The following HYAL4 variants were observed in gnomAD, a reference collection of about 807,000 sequenced individuals.
The protein encoded by HYAL4 is hyaluronidase 4.
Under a neutral mutation model 35.2 loss-of-function variants are expected in HYAL4, and 37 were observed. The observed-to-expected ratio is 1.05, with a 90% CI of 0.81 to 1.38. The LOEUF (loss-of-function observed/expected upper bound fraction) is 1.38. Ranked by LOEUF, HYAL4 falls within the 40% of genes most tolerant of loss-of-function variation. The probability of loss-of-function intolerance (pLI) is 0.00; values close to 1 mark genes in which losing one functional copy is unlikely to be tolerated. For synonymous variants in HYAL4, 198 were observed against 203.2 expected (o/e 0.97, Z 0.22); for missense variants, 572 against 572.4 (o/e 1.00, Z 0.01).
the HYAL4 span, among the ~76,000 whole-genome samples, chr7:123,822,727 G>A: frequency 6.6e-6 from 1 of 152,150 alleles, no homozygotes; most frequent in Non-Finnish European, 1.5e-5. Context: ...GAGAAGCTGA[G>A]GGATGAAGGT....
At position 123,832,434 on chromosome 7, in the gene HYAL4, C is replaced by T. The variant is rs1420505096; in HGVS notation, c.-257+3310C>T. Among the ~76,000 whole-genome samples, 3 of 143,344 alleles carry T rather than the reference C, an allele frequency of 2.1e-5. No individual in the cohort carries two copies. In the East Asian group the frequency reaches 6.2e-4, roughly 30 times the overall value. The allele number at this position is 143,344 out of a possible 152,430, so 94.0% of individuals were successfully genotyped here. A position where few individuals can be genotyped will look rare whatever the true frequency, so the allele number is the denominator to read the frequency against. ...TTTGTAGTCTTTTATCCCTGATCCC[C>T]TTTTCACCCTTTCCCCCTGAGTCCC... On this transcript the variant is annotated intron_variant, in intron 1 of 4. Transcript: ENST00000489978.
At chr7:123,791,275 A>G in the HYAL4 span, among the ~76,000 whole-genome samples, 2 of 152,266 alleles carry the variant, frequency 1.3e-5, no homozygotes, top group East Asian at 1.9e-4. Flanking sequence ...TCATGTCAAC[A>G]TGGGCATGTT....
At chr7:123,841,418 A>G (rs1307538499), upstream of HYAL4, among the ~76,000 whole-genome samples, 1 of 151,900 alleles carries the variant, frequency 6.6e-6, no homozygotes, top group African/African-American at 2.4e-5. Context: ...TTTTGCATCA[A>G]TTTTCATCAG....
At chr7:123,828,653 A>T (rs1805836241), upstream of HYAL4, among the ~76,000 whole-genome samples, 1 of 152,206 alleles carries the variant, frequency 6.6e-6, no homozygotes, top group Non-Finnish European at 1.5e-5. Flanking sequence ...TATTAATGAT[A>T]TCTTTTAAAA....
At chr7:123,778,155 GTCTGTCTATCTATCTATCTA>G in the HYAL4 span, among the ~76,000 whole-genome samples, 7 of 132,666 alleles carry the variant, frequency 5.3e-5, no homozygotes, top group South Asian at 2.5e-4. Flanking sequence ...CTATCTGTCT[GTCTGTCTATCTATCTATCTA>G]TCTATCTATC....
At chr7:123,820,970 T>C in the HYAL4 span, among the ~76,000 whole-genome samples, 1 of 152,198 alleles carries the variant, frequency 6.6e-6, no homozygotes, top group Non-Finnish European at 1.5e-5. Context: ...TTGTCATAAA[T>C]GACATTATTT....
the HYAL4 span, among the ~76,000 whole-genome samples, chr7:123,807,481 C>T: frequency 7.2e-6 from 1 of 138,242 alleles, no homozygotes; most frequent in East Asian, 2.1e-4. Context: ...GTCACCCAGG[C>T]TGGAGGGCAG....
chr7:123,863,755 A>G (rs1042021346), intron 2 of HYAL4, among the ~76,000 whole-genome samples: 2 of 152,152 alleles, frequency 1.3e-5, no homozygotes, highest in Non-Finnish European at 2.9e-5. Flanking sequence ...GTATTCTGTG[A>G]CATTGTTTAA....
In HYAL4 at chr7:123,876,909, G is replaced by T; in HGVS notation, c.1200G>T (p.Leu400Phe). 6.2e-7 allele frequency: 1 copy of T among 1,614,176 alleles called. No individual in the cohort carries two copies. Among genetic ancestry groups the T allele is most frequent in the East Asian group, 2.2e-5 (1 of 44,878 alleles). The stretch of plus-strand genomic sequence containing the variant: ...GGAACGCGCCCAGTTACCTTCACTT[G>T]AACCCTGCAAGTTACCACATAGAGG... ...KMWNAPSYLH[L>F]NPASYHIEAS... The change falls in exon 5 of 5, where the codon TTG becomes TTT. Residue 400 changes from leucine (L) to phenylalanine (F), a missense_variant. Transcript: ENST00000223026.
chr7:123,837,274 C>T (rs566844473), intron 1 of HYAL4, among the ~76,000 whole-genome samples: 33 of 152,296 alleles, frequency 2.2e-4, no homozygotes, highest in Admixed American at 9.8e-4. Context: ...GGGAAATCTG[C>T]TGTTAATCTG....
chr7:123,790,765 A>G, the HYAL4 span: 108 of 150,742 alleles, frequency 7.2e-4, 1 homozygote, highest in African/African-American at 2.4e-3. Context: ...ATAATTGAAT[A>G]TGAGTAATTT....
intron 3 of HYAL4, among the ~76,000 whole-genome samples, chr7:123,871,439 G>A (rs548426017): frequency 2.0e-5 from 3 of 151,996 alleles, no homozygotes; most frequent in African/African-American, 4.8e-5. Flanking sequence ...AGATCCACCC[G>A]CCTTGGCCTC....
At chr7:123,859,838 C>T (rs1806539314) in intron 2 of HYAL4, among the ~76,000 whole-genome samples, 1 of 152,150 alleles carries the variant, frequency 6.6e-6, no homozygotes, top group African/African-American at 2.4e-5. Flanking sequence ...ACAGAACTTC[C>T]TTCTCAAATA....
At chr7:123,788,009 T>C in the HYAL4 span, among the ~76,000 whole-genome samples, 2 of 152,140 alleles carry the variant, frequency 1.3e-5, no homozygotes, top group Non-Finnish European at 2.9e-5. Flanking sequence ...ATAGTACATG[T>C]TATCAGCCAA....
At chr7:123,873,860 G>A (rs56127720) in intron 3 of HYAL4, among the ~76,000 whole-genome samples, 4,749 of 152,188 alleles carry the variant, frequency 0.031, 232 homozygotes, top group African/African-American at 0.11. Flanking sequence ...ACCATGACTG[G>A]ATGAGTCATA....
the HYAL4 span, among the ~76,000 whole-genome samples, chr7:123,812,574 G>A: frequency 1.3e-5 from 2 of 152,114 alleles, no homozygotes; most frequent in Non-Finnish European, 2.9e-5. Context: ...GAGGAAATTT[G>A]TAACAGTATT....
At chr7:123,806,477 CTTG>C in the HYAL4 span, among the ~76,000 whole-genome samples, 1 of 151,960 alleles carries the variant, frequency 6.6e-6, no homozygotes, top group African/African-American at 2.4e-5. Context: ...GAGTTTCACT[CTTG>C]TTGTCCAGCC....
the HYAL4 span, among the ~76,000 whole-genome samples, chr7:123,809,176 A>G: frequency 6.6e-6 from 1 of 151,978 alleles, no homozygotes; most frequent in Non-Finnish European, 1.5e-5. Context: ...ACACTCTCTA[A>G]TGGAGCCAAG....
At chr7:123,775,681 T>C in the HYAL4 span, among the ~76,000 whole-genome samples, 1 of 152,260 alleles carries the variant, frequency 6.6e-6, no homozygotes, top group African/African-American at 2.4e-5. Context: ...TGATTTTGGT[T>C]TTATCTTTAT....
Sources: gnomAD v4.1 joint callset for allele counts (sites outside exome capture counted in the v4.1 genomes callset) on GRCh38, gnomAD v4.1.1 for gene constraint, MANE v1.5 for transcripts, NCBI Gene and HGNC (gene_info 2026-07-23, HGNC 2026-07-21) for gene names.